DHX33: variants seen among roughly 807,000 people sequenced by gnomAD.
The protein encoded by DHX33 is DEAH-box helicase 33.
DHX33 carries 42 observed loss-of-function variants against 72.5 expected under a neutral mutation model. That is an observed-to-expected ratio of 0.58 (90% CI 0.45 to 0.75). The LOEUF is 0.75. Among genes scored for constraint, DHX33 ranks in the 30% least tolerant of loss-of-function variants. DHX33 has a pLI of 0.00. For synonymous variants in DHX33, 358 were observed against 366.1 expected (o/e 0.98, Z 0.25); for missense variants, 842 against 917.5 (o/e 0.92, Z 1.06).
intron 10 of DHX33, among the ~76,000 whole-genome samples, chr17:5,449,188 A>G (rs1916784848): frequency 6.6e-6 from 1 of 152,262 alleles, no homozygotes; most frequent in Admixed American, 6.5e-5. Context: ...AAATATCTTT[A>G]TATCAAAAAA....
chr17:5,454,897 C>T (rs897372031), intron 6 of DHX33, among the ~76,000 whole-genome samples: 1 of 152,170 alleles, frequency 6.6e-6, no homozygotes, highest in African/African-American at 2.4e-5. Context: ...TGATGGGGTA[C>T]CAGACCCTCT....
At chr17:5,454,149 C>G (rs901675859) in intron 6 of DHX33, among the ~76,000 whole-genome samples, 169 bp from the exon 7 acceptor site, 2 of 152,176 alleles carry the variant, frequency 1.3e-5, no homozygotes, top group Non-Finnish European at 2.9e-5. Flanking sequence ...AGCGGTTTGG[C>G]CCTAGTGAAA....
At position 5,450,246 on chromosome 17, in the gene DHX33, A is replaced by G. The variant is rs1371744488; in HGVS notation, c.1685T>C (p.Leu562Pro). Residue 562 changes from leucine to proline, a missense_variant, in exon 10 of 12, where the codon CTG (leucine) becomes CCG (proline). Physicochemically the swap from Leu to Pro is moderately conservative, Grantham distance 98. Transcript: ENST00000225296. The part of the protein sequence containing the change: ...FISSEGDHMT[L>P]LNIYRTFKNL... ...TTTGAAGGTCCGATAGATATTGAGC[A>G]GGGTCATGTGATCCCCCTCGCTGGA... 1 of 1,614,208 alleles carries G rather than the reference A, an allele frequency of 6.2e-7. No individual in the cohort carries two copies. Among genetic ancestry groups the G allele is most frequent in the Admixed American group, 1.7e-5 (1 of 60,018 alleles).
In DHX33 at chr17:5,443,190, G is replaced by A. The variant is rs570027757; in HGVS notation, c.*1015C>T. 1 of 132,050 alleles carries A rather than the reference G, an allele frequency of 7.6e-6. No individual in the cohort carries two copies. Among genetic ancestry groups the A allele is most frequent in the South Asian group, 2.3e-4 (1 of 4,418 alleles). 8.2% of individuals were successfully genotyped at this position (132,050 alleles called of 1,614,324 possible). A position where few individuals can be genotyped will look rare whatever the true frequency, so the allele number is the denominator to read the frequency against. ...AGATGTGGTGTGGTATCTGGCATAA[G>A]CCAATGTTCTCTGGGTTCTAGGTAC... On this transcript the variant is annotated 3_prime_UTR_variant, in exon 12 of 12. Transcript: ENST00000225296.
rs1191262394 is a variant in DHX33 at position 5,468,931 on chromosome 17, A to C, written c.-72T>G. 2.7e-6 allele frequency: 4 copies of C among 1,501,162 alleles called. No individual in the cohort carries two copies. Among genetic ancestry groups the C allele is most frequent in the East Asian group, 2.5e-5 (1 of 39,880 alleles). 93.0% of individuals were successfully genotyped at this position (1,501,162 alleles called of 1,614,324 possible). A position where few individuals can be genotyped will look rare whatever the true frequency, so the allele number is the denominator to read the frequency against. ...CCCCCTCTCAGGTGCAGACAACAGG[A>C]GCACACCGCCCCTTCCTCGCCGCCA... On this transcript the variant is annotated 5_prime_UTR_variant, in exon 1 of 12. Coordinates refer to ENST00000225296, the MANE Select transcript of DHX33 (RefSeq NM_020162.4).
At position 5,450,904 on chromosome 17, in the gene DHX33, T is replaced by C. The variant is rs1916874289; in HGVS notation, c.1427A>G (p.Asp476Gly). ...CTTATGTTCAAGAGCACCTAACAGG[T>C]CCAGTTGGGCAATGGCCGCCTGAAT... ...DHIQAAIAQL[D>G]LLGALEHKDD... is the part of the protein sequence containing the mutation. The change falls in exon 9 of 12, where the codon GAC becomes GGC. Residue 476 changes from aspartate to glycine, a missense_variant. By Grantham distance (94) the Asp-to-Gly change is moderately conservative. Transcript: ENST00000225296. The C allele has an allele frequency of 2.5e-6, 4 of 1,613,948 alleles. No individual in the cohort carries two copies. Among genetic ancestry groups the C allele is most frequent in the Non-Finnish European group, 3.4e-6 (4 of 1,180,032 alleles).
rs374133428 is a variant in DHX33 at position 5,456,081 on chromosome 17, G to A, written c.951C>T (p.Asp317=). The A allele has an allele frequency of 1.1e-5, 17 of 1,613,836 alleles. No homozygotes were observed. Among genetic ancestry groups the A allele is most frequent in the Admixed American group, 6.7e-5 (4 of 60,002 alleles). ...TCRDIAKHLP[D]GCPAMLVLPL... ...GAAGGACCAGCATCGCAGGGCAGCC[G>A]TCTGGGAGGTGCTTTGCAATGTCTC... Residue 317 remains aspartate (D), a synonymous_variant, in exon 5 of 12, where the codon GAC becomes GAT. Coordinates refer to ENST00000225296, the MANE Select transcript of DHX33 (RefSeq NM_020162.4).
At chr17:5,450,052 T>A (rs1916824214) in intron 10 of DHX33, 151 bp downstream of exon 10, 3 of 929,446 alleles carry the variant, frequency 3.2e-6, no homozygotes, top group African/African-American at 1.7e-5. Flanking sequence ...GAAGCATTTC[T>A]GAAATGCTGT....
chr17:5,462,232 G>A, intron 3 of DHX33, 87 bp downstream of exon 3: 6 of 1,300,266 alleles, frequency 4.6e-6, no homozygotes, highest in East Asian at 4.9e-5. Context: ...GAGCCACCGC[G>A]CCCAGCCAGG....
rs1203468243 is a variant in DHX33, at chr17:5,441,381, G to T, written c.*2824C>A. The T allele has an allele frequency of 6.6e-6, 1 of 152,194 alleles. No homozygotes were observed. The highest frequency in any genetic ancestry group is 6.5e-5 in the Admixed American group (1 of 15,276). 9.4% of individuals were successfully genotyped at this position (152,194 alleles called of 1,614,324 possible). Reference sequence around the variant, plus strand: ...GATTACTAGAAGACAAACACCTGAGGCATGCAATCTGCTTGGAGTGCATCT... The same window carrying T: ...GATTACTAGAAGACAAACACCTGAGTCATGCAATCTGCTTGGAGTGCATCT... On this transcript the variant is annotated 3_prime_UTR_variant, in exon 12 of 12. Coordinates refer to ENST00000225296, the MANE Select transcript of DHX33 (RefSeq NM_020162.4).
chr17:5,448,161 C>T (rs1916736957), intron 11 of DHX33, among the ~76,000 whole-genome samples: 1 of 152,150 alleles, frequency 6.6e-6, no homozygotes, highest in African/African-American at 2.4e-5. Flanking sequence ...TACCACTGCA[C>T]TCCAGCCTGG....
chr17:5,462,847 G>C (rs1185031241), intron 2 of DHX33, among the ~76,000 whole-genome samples: 4 of 151,992 alleles, frequency 2.6e-5, no homozygotes, highest in Non-Finnish European at 5.9e-5. Flanking sequence ...TGGGAGGTTG[G>C]GGCAGGCAGA....
At chr17:5,466,640 T>A (rs1904885111) in intron 1 of DHX33, among the ~76,000 whole-genome samples, 1 of 152,258 alleles carries the variant, frequency 6.6e-6, no homozygotes, top group Non-Finnish European at 1.5e-5. Flanking sequence ...AATTTAAAAG[T>A]GATTAGGCCT....
chr17:5,450,109 A>C, intron 10 of DHX33, 94 bp downstream of exon 10: 2 of 1,470,178 alleles, frequency 1.4e-6, no homozygotes, highest in Non-Finnish European at 1.9e-6. Flanking sequence ...CAAAAAGGGA[A>C]AGCGTACTTT....
intron 7 of DHX33, 35 bp from the exon 8 acceptor site, chr17:5,453,703 T>A (rs755403728): frequency 6.2e-7 from 1 of 1,612,332 alleles, no homozygotes; most frequent in Non-Finnish European, 8.5e-7. Context: ...CATGACCTGA[T>A]CCCTCTGCCA....
At chr17:5,463,431 A>G in intron 2 of DHX33, 98 bp downstream of exon 2, 1 of 1,259,740 alleles carries the variant, frequency 7.9e-7, no homozygotes, top group African/African-American at 1.5e-5. Flanking sequence ...GCAGCTCACT[A>G]TGTAAAAGGA....
At chr17:5,465,923 C>T (rs1904860319) in intron 1 of DHX33, among the ~76,000 whole-genome samples, 3 of 152,186 alleles carry the variant, frequency 2.0e-5, no homozygotes, top group Non-Finnish European at 2.9e-5. Context: ...TCCTTACATC[C>T]GTTCTCTAGC....
At chr17:5,457,168 C>A (rs531152208) in intron 4 of DHX33, among the ~76,000 whole-genome samples, 10 of 152,048 alleles carry the variant, frequency 6.6e-5, no homozygotes, top group Non-Finnish European at 1.5e-4. Context: ...ATTAGCCAGG[C>A]GTGGTGGCGC....
Position 5,468,970 on chromosome 17 carries a change from C to CATGAT in DHX33, c.-112_-111insATCAT. Reference sequence around the variant, plus strand: ...TCCTCGCCGCCACGTGCTGGCGGCTCCCGGCGACCACCGATGACCTCACGG... The same window carrying CATGAT: ...TCCTCGCCGCCACGTGCTGGCGGCTCATGATCCGGCGACCACCGATGACCTCACGG... On this transcript the variant is annotated 5_prime_UTR_variant, in exon 1 of 12. In the 5' UTR this introduces an upstream ATG that the reference lacks. Coordinates refer to ENST00000225296, the MANE Select transcript of DHX33 (RefSeq NM_020162.4). The CATGAT allele has an allele frequency of 1.7e-6, 1 of 604,736 alleles. No homozygotes were observed. Among genetic ancestry groups the CATGAT allele is most frequent in the South Asian group, 2.1e-5 (1 of 48,272 alleles). The allele number at this position is 604,736 out of a possible 1,614,324, so 37.5% of individuals were successfully genotyped here. A position where few individuals can be genotyped will look rare whatever the true frequency, so the allele number is the denominator to read the frequency against.
Sources: allele counts gnomAD v4.1 joint callset (sites outside exome capture counted in the v4.1 genomes callset), GRCh38; gene constraint gnomAD v4.1.1; transcripts MANE v1.5; gene names NCBI Gene and HGNC (gene_info 2026-07-23, HGNC 2026-07-21).